ATCAY: variants seen among roughly 807,000 people sequenced by gnomAD.
The protein encoded by ATCAY is caytaxin.
ATCAY carries 22 observed loss-of-function variants against 47.7 expected under a neutral mutation model. That is an observed-to-expected ratio of 0.46 (90% CI 0.33 to 0.66). The LOEUF is 0.66. ATCAY is among the 30% of genes least tolerant of loss of function. The pLI, the probability that ATCAY is intolerant of heterozygous loss-of-function variation, is 0.02. For missense variants in ATCAY, 452 were observed against 515.0 expected (o/e 0.88, Z 1.18); for synonymous variants, 216 against 207.6 (o/e 1.04, Z -0.35).
chr19:3,913,950 TA>T (rs2038944098), intron 9 of ATCAY, 94 bp downstream of exon 9: 4 of 1,181,936 alleles, frequency 3.4e-6, no homozygotes, highest in Non-Finnish European at 3.7e-6. Context: ...AAAAGAGGTT[TA>T]AGGGGCCGGG....
rs763632266 is a variant in ATCAY at position 3,888,754 on chromosome 19, TGAA to T, written c.77+2912_77+2914del. On this transcript the variant is annotated intron_variant, in intron 2 of 12. Coordinates refer to ENST00000450849, the MANE Select transcript of ATCAY (RefSeq NM_033064.5). ...TTGAAGGAGATACAGAAGAATGCCT[TGAA>T]GTAATCGGTCTCCTTCAAAATGAGT... 2.0e-5 allele frequency among the ~76,000 whole-genome samples: 3 copies of T among 152,174 alleles called. No individual in the cohort carries two copies. The South Asian group carries it at 6.2e-4, about 32-fold the overall frequency.
intron 2 of ATCAY, among the ~76,000 whole-genome samples, chr19:3,889,327 C>T (rs1351087728): frequency 6.6e-6 from 1 of 152,114 alleles, no homozygotes; most frequent in African/African-American, 2.4e-5. Context: ...GAAGGAGAAT[C>T]GCTTGAACGC....
At chr19:3,894,908 T>A (rs1433978317) in intron 2 of ATCAY, among the ~76,000 whole-genome samples, 1 of 132,512 alleles carries the variant, frequency 7.5e-6, no homozygotes, top group East Asian at 2.3e-4. Flanking sequence ...ATGATTTCAC[T>A]ACTGTGCTCT....
rs3810373 is a variant in ATCAY at position 3,908,203 on chromosome 19, T to C, written c.545-65T>C. 0.71 allele frequency: 981,592 copies of C among 1,380,792 alleles called. 352,565 individuals are homozygous for C. The highest frequency in any genetic ancestry group is 0.95 in the East Asian group (38,002 of 40,012). 85.5% of individuals were successfully genotyped at this position (1,380,792 alleles called of 1,614,324 possible). On this transcript the variant is annotated intron_variant, in intron 5 of 12. Coordinates refer to ENST00000450849, the MANE Select transcript of ATCAY (RefSeq NM_033064.5). ...GTGGGCACCGGGACGTGGTGGGTGG[T>C]GCGCGGGAGGCAGCTCAGGGCTGGG...
chr19:3,917,886 T>C, intron 10 of ATCAY, 109 bp downstream of exon 10: 34 of 1,237,458 alleles, frequency 2.7e-5, no homozygotes, highest in South Asian at 1.2e-4. Flanking sequence ...ACCATTGTCC[T>C]GTGCAGGGCT....
chr19:3,881,870 C>T lies in ATCAY; in HGVS notation c.-42+862C>T, dbSNP rs867585582. Among the ~76,000 whole-genome samples, 190 of 135,660 alleles carry T rather than the reference C, an allele frequency of 1.4e-3. 4 individuals are homozygous for T. The highest frequency in any genetic ancestry group is 5.9e-3 in the African/African-American group (179 of 30,168). 89.0% of individuals were successfully genotyped at this position (135,660 alleles called of 152,430 possible). On this transcript the variant is annotated intron_variant, in intron 1 of 12. Transcript: ENST00000450849. ...GCCTGGCTGGCTGCTGCCACCGCCC[C>T]CCCCCCGACCCCATAGCATCCAGGA...
Position 3,924,595 on chromosome 19 carries a change from C to T in ATCAY, c.*3C>T, listed in dbSNP as rs778013103. The T allele has an allele frequency of 1.7e-5, 28 of 1,613,646 alleles. No homozygotes were observed. Among genetic ancestry groups the T allele is most frequent in the East Asian group, 6.7e-5 (3 of 44,856 alleles). On this transcript the variant is annotated 3_prime_UTR_variant, in exon 13 of 13. Transcript: ENST00000450849. Reference sequence around the variant, plus strand: ...TTTCCCTCCCTAGCATGTCCTGAGGCGACGTGAGCATAACAAAGGACATGG... The same window carrying T: ...TTTCCCTCCCTAGCATGTCCTGAGGTGACGTGAGCATAACAAAGGACATGG...
intron 3 of ATCAY, among the ~76,000 whole-genome samples, 195 bp from the exon 4 acceptor site, chr19:3,905,239 G>C (rs547002002): frequency 1.3e-5 from 2 of 152,212 alleles, no homozygotes; most frequent in South Asian, 4.1e-4. Flanking sequence ...ACAGGACAGA[G>C]GTTATAACAT....
intron 3 of ATCAY, among the ~76,000 whole-genome samples, chr19:3,904,510 G>A (rs952436031): frequency 1.1e-4 from 16 of 152,150 alleles, no homozygotes; most frequent in African/African-American, 2.9e-4. Context: ...TTCCCTAGGC[G>A]TCCCGCCTGC....
At chr19:3,915,367 T>A (rs1433080286) in intron 9 of ATCAY, among the ~76,000 whole-genome samples, 28 of 146,802 alleles carry the variant, frequency 1.9e-4, no homozygotes, top group Non-Finnish European at 3.6e-4. Context: ...GTATTTTTAG[T>A]AGAGACAGGG....
At chr19:3,893,860 A>C (rs62133660) in intron 2 of ATCAY, among the ~76,000 whole-genome samples, 7,099 of 147,090 alleles carry the variant, frequency 0.048, 225 homozygotes, top group Non-Finnish European at 0.07. Flanking sequence ...CTCCCTCCCT[A>C]CCCTCCATCC....
chr19:3,881,871 C>CCG (rs1555765196), intron 1 of ATCAY, among the ~76,000 whole-genome samples: 1 of 144,840 alleles, frequency 6.9e-6, no homozygotes, highest in Admixed American at 6.9e-5. Flanking sequence ...CCACCGCCCC[C>CCG]CCCCCGACCC....
Position 3,907,267 on chromosome 19 carries a change from A to T in ATCAY, c.359-467A>T, listed in dbSNP as rs550464350. Among the ~76,000 whole-genome samples, 1 of 152,208 alleles carries T rather than the reference A, an allele frequency of 6.6e-6. No homozygotes were observed. Among genetic ancestry groups the T allele is most frequent in the South Asian group, 2.1e-4 (1 of 4,824 alleles). On this transcript the variant is annotated intron_variant, in intron 4 of 12. Transcript: ENST00000450849. This position sits in a 1 kb window ranked among gnomAD's most constrained non-coding sequence, Gnocchi z 5.1. Reference sequence around the variant, plus strand: ...TGAGACCAGCCTGGGCAACATATTGAAACCCCATCTCTACAAAAATATAAA... The same window carrying T: ...TGAGACCAGCCTGGGCAACATATTGTAACCCCATCTCTACAAAAATATAAA...
At chr19:3,911,389 C>T (rs1171364670) in intron 8 of ATCAY, among the ~76,000 whole-genome samples, 1 of 151,526 alleles carries the variant, frequency 6.6e-6, no homozygotes, top group Non-Finnish European at 1.5e-5. Flanking sequence ...TCATGCATGG[C>T]ATCACATGCC....
At chr19:3,884,383 C>A (rs913810556) in intron 1 of ATCAY, among the ~76,000 whole-genome samples, 3 of 152,102 alleles carry the variant, frequency 2.0e-5, no homozygotes, top group African/African-American at 7.2e-5. Context: ...CCTTAGTGAG[C>A]CCTGGAGTCA....
In ATCAY at chr19:3,907,612, G is replaced by A. The variant is rs1160907980; in HGVS notation, c.359-122G>A. The A allele has an allele frequency of 4.2e-6, 5 of 1,197,480 alleles. No individual in the cohort carries two copies. Among genetic ancestry groups the A allele is most frequent in the Admixed American group, 2.5e-5 (1 of 40,648 alleles). 74.2% of individuals were successfully genotyped at this position (1,197,480 alleles called of 1,614,324 possible). On this transcript the variant is annotated intron_variant, in intron 4 of 12. Transcript: ENST00000450849. This position sits in a 1 kb window ranked among gnomAD's most constrained non-coding sequence, Gnocchi z 5.1. ...GGTCAGCAGGGCAGCCAGGTGGGGAGAAGCGAAGGACTTGTGGGTCCCGGC... is the reference window on the plus strand; with the variant it reads ...GGTCAGCAGGGCAGCCAGGTGGGGAAAAGCGAAGGACTTGTGGGTCCCGGC...
At chr19:3,894,409 G>A (rs1001883127) in intron 2 of ATCAY, among the ~76,000 whole-genome samples, 3 of 150,668 alleles carry the variant, frequency 2.0e-5, no homozygotes, top group East Asian at 2.0e-4. Flanking sequence ...GCGTGAACCC[G>A]GGAGGCGGAG....
intron 9 of ATCAY, among the ~76,000 whole-genome samples, chr19:3,914,251 G>A (rs1228276549): frequency 1.9e-4 from 9 of 47,434 alleles, no homozygotes; most frequent in African/African-American, 3.4e-4. Context: ...AAAAAAAAAA[G>A]GGCTAACGGA....
intron 2 of ATCAY, chr19:3,895,021 C>A: frequency 5.6e-6 from 2 of 358,558 alleles, no homozygotes; most frequent in East Asian, 8.2e-5. Context: ...ATTTTTTTCT[C>A]TCTCTCTCCT....
Sources: allele counts gnomAD v4.1 joint callset (sites outside exome capture counted in the v4.1 genomes callset), GRCh38; gene constraint gnomAD v4.1.1; non-coding constraint Gnocchi (gnomAD v3.1); transcripts MANE v1.5; gene names NCBI Gene and HGNC (gene_info 2026-07-23, HGNC 2026-07-21).